LRRC37A2: variants seen among roughly 807,000 people sequenced by gnomAD.
LRRC37A2 encodes the protein leucine-rich repeat-containing protein 37A2.
A neutral mutation model predicts 68.8 loss-of-function variants in LRRC37A2; 9 were observed. That is an observed-to-expected ratio of 0.13 (90% CI 0.08 to 0.23). The LOEUF (loss-of-function observed/expected upper bound fraction) is 0.23, where lower values mean the gene tolerates loss of function less well. LRRC37A2 is among the 10% of genes least tolerant of loss of function. The probability of loss-of-function intolerance (pLI) is 1.00; values close to 1 mark genes in which losing one functional copy is unlikely to be tolerated. For synonymous variants in LRRC37A2, 63 were observed against 367.6 expected, an observed-to-expected ratio of 0.17 and a Z score of 9.48; for missense variants, 168 against 950.4, an observed-to-expected ratio of 0.18 and a Z score of 10.82.
the LRRC37A2 span, among the ~76,000 whole-genome samples, chr17:46,958,151 G>A: frequency 2.0e-5 from 3 of 152,204 alleles, no homozygotes; most frequent in African/African-American, 4.8e-5. Flanking sequence ...TGGCCAGGGG[G>A]CCTCAGAGGA....
At chr17:47,030,088 A>AATCATC in the LRRC37A2 span, among the ~76,000 whole-genome samples, 2 of 107,122 alleles carry the variant, frequency 1.9e-5, no homozygotes, top group African/African-American at 3.9e-5. Flanking sequence ...TAATAATAAT[A>AATCATC]ATCATCATCA....
the LRRC37A2 span, among the ~76,000 whole-genome samples, chr17:46,854,288 C>T: frequency 6.6e-6 from 1 of 152,230 alleles, no homozygotes; most frequent in Non-Finnish European, 1.5e-5. Flanking sequence ...CAGTCATCTA[C>T]ACTGTAGTGG....
chr17:46,867,782 G>A, the LRRC37A2 span, among the ~76,000 whole-genome samples: 1 of 152,184 alleles, frequency 6.6e-6, no homozygotes, highest in Non-Finnish European at 1.5e-5. Flanking sequence ...GAGTGTGTGA[G>A]ATGAAGCCCT....
chr17:46,556,194 A>G, downstream of LRRC37A2: 1 of 463,904 alleles, frequency 2.2e-6, no homozygotes, highest in Non-Finnish European at 2.7e-6. Context: ...AAGGCCAAGC[A>G]TCACCTATGC....
the LRRC37A2 span, among the ~76,000 whole-genome samples, chr17:46,986,336 A>C: frequency 3.3e-5 from 5 of 152,204 alleles, no homozygotes; most frequent in Middle Eastern, 3.4e-3. Flanking sequence ...AGGTTAAATG[A>C]GGTAATGCCT....
chr17:46,981,328 G>C, the LRRC37A2 span, among the ~76,000 whole-genome samples: 1 of 152,196 alleles, frequency 6.6e-6, no homozygotes, highest in Non-Finnish European at 1.5e-5. Flanking sequence ...GGGGTGAGAT[G>C]CTGCCATTGT....
the LRRC37A2 span, among the ~76,000 whole-genome samples, chr17:46,965,468 C>T: frequency 1.3e-5 from 2 of 152,136 alleles, no homozygotes; most frequent in Non-Finnish European, 2.9e-5. Flanking sequence ...CACCCTGGAG[C>T]AGTTCCCAGC....
chr17:46,715,893 T>A, the LRRC37A2 span, among the ~76,000 whole-genome samples: 2 of 152,198 alleles, frequency 1.3e-5, no homozygotes, highest in African/African-American at 4.8e-5. Context: ...TTGTTTTAAT[T>A]CATGATTCAC....
chr17:46,550,772 A>ATATAATAGC lies in LRRC37A2; in HGVS notation c.4809+253_4809+254insTATAATAGC, dbSNP rs1369577509. Among the ~76,000 whole-genome samples the ATATAATAGC allele has an allele frequency of 4.7e-4, 38 of 80,976 alleles. 2 individuals carry two copies. The highest frequency in any genetic ancestry group is 1.0e-3 in the South Asian group (2 of 2,002). 53.1% of individuals were successfully genotyped at this position (80,976 alleles called of 152,430 possible). On this transcript the variant is annotated intron_variant, in intron 11 of 14. Coordinates refer to ENST00000576629, the Ensembl canonical transcript of LRRC37A2. ...CCCACTAGACTATTTTAAGAAGTCG[A>ATATAATAGC]AAATTTCTCCCACCCAAAACTATGT...
At chr17:46,688,351 T>C in the LRRC37A2 span, among the ~76,000 whole-genome samples, 1 of 146,624 alleles carries the variant, frequency 6.8e-6, no homozygotes, top group Non-Finnish European at 1.5e-5. Flanking sequence ...TCTCTAAAAA[T>C]AAAAATAAAA....
At chr17:46,744,951 G>GCTTTTT in the LRRC37A2 span, among the ~76,000 whole-genome samples, 2,294 of 152,222 alleles carry the variant, frequency 0.015, 68 homozygotes, top group African/African-American at 0.049. Flanking sequence ...TTTTACTTAG[G>GCTTTTT]CTTTTTCTTT....
the LRRC37A2 span, among the ~76,000 whole-genome samples, chr17:46,776,454 C>G: frequency 1.3e-5 from 2 of 152,232 alleles, no homozygotes; most frequent in Non-Finnish European, 2.9e-5. Flanking sequence ...ATCCTCACGG[C>G]AGGTCTGTAA....
chr17:46,467,893 G>T, the LRRC37A2 span, among the ~76,000 whole-genome samples: 1 of 97,072 alleles, frequency 1.0e-5, no homozygotes, highest in East Asian at 2.5e-4. Context: ...CTTTGCAGAT[G>T]TTAAAAACAG....
the LRRC37A2 span, among the ~76,000 whole-genome samples, chr17:46,813,204 A>T: frequency 6.6e-6 from 1 of 151,988 alleles, no homozygotes. Context: ...GCTTCACAGC[A>T]ACGAGCCCAG....
chr17:46,993,052 C>A, the LRRC37A2 span, among the ~76,000 whole-genome samples: 1 of 140,252 alleles, frequency 7.1e-6, no homozygotes, highest in Admixed American at 7.6e-5. Flanking sequence ...TCTCTGTAGG[C>A]TGGGACTAGG....
chr17:46,877,299 C>A, the LRRC37A2 span, among the ~76,000 whole-genome samples: 1 of 152,230 alleles, frequency 6.6e-6, no homozygotes, highest in Non-Finnish European at 1.5e-5. Flanking sequence ...TAGAAGCCAT[C>A]CGTTCAGAGA....
At chr17:46,912,548 A>C in the LRRC37A2 span, among the ~76,000 whole-genome samples, 1 of 152,118 alleles carries the variant, frequency 6.6e-6, no homozygotes, top group Non-Finnish European at 1.5e-5. Flanking sequence ...TGGACTCTCT[A>C]GGGAGGACAA....
the LRRC37A2 span, among the ~76,000 whole-genome samples, chr17:46,855,530 C>T: frequency 6.6e-6 from 1 of 152,204 alleles, no homozygotes; most frequent in Non-Finnish European, 1.5e-5. Flanking sequence ...CTAATGCTAA[C>T]AGGGCTGGTC....
At chr17:46,821,264 C>G in the LRRC37A2 span, 1 of 152,246 alleles carries the variant, frequency 6.6e-6, no homozygotes, top group Admixed American at 6.5e-5. Flanking sequence ...CCCTGCCAGG[C>G]CCCTAGTGAA....
Sources: allele counts gnomAD v4.1 joint callset (sites outside exome capture counted in the v4.1 genomes callset), GRCh38; gene constraint gnomAD v4.1.1; transcripts MANE v1.5; gene names NCBI Gene and HGNC (gene_info 2026-07-23, HGNC 2026-07-21).